Variants in TAFA4 observed in about 807,000 individuals in gnomAD.
TAFA4 encodes TAFA chemokine like family member 4.
In TAFA4, 20 loss-of-function variants were observed where a neutral mutation model predicts 21.1. That is an observed-to-expected ratio of 0.95 (90% CI 0.67 to 1.38). The LOEUF (loss-of-function observed/expected upper bound fraction) is 1.38. TAFA4 is among the 40% of genes most tolerant of loss of function. TAFA4 has a pLI of 0.00. For missense variants in TAFA4, 211 were observed against 180.9 expected, an observed-to-expected ratio of 1.17 and a Z score of -0.95; for synonymous variants, 71 against 67.4, an observed-to-expected ratio of 1.05 and a Z score of -0.26.
chr3:68,753,863 A>G (rs1163125693), intron 3 of TAFA4, among the ~76,000 whole-genome samples: 1 of 152,220 alleles, frequency 6.6e-6, no homozygotes, highest in East Asian at 1.9e-4. Context: ...GAGCCTCCCC[A>G]TAAAGGAATG....
chr3:68,846,426 TC>T (rs1379237165), intron 3 of TAFA4, among the ~76,000 whole-genome samples: 2 of 152,088 alleles, frequency 1.3e-5, no homozygotes, highest in African/African-American at 4.8e-5. Context: ...TAACCTTTTT[TC>T]AAGGTTCTTA....
At chr3:68,910,136 C>T (rs1319753328) in intron 1 of TAFA4, among the ~76,000 whole-genome samples, 1 of 152,208 alleles carries the variant, frequency 6.6e-6, no homozygotes, top group Non-Finnish European at 1.5e-5. Flanking sequence ...AGGCAGCTAG[C>T]AAGGCAGAGT....
chr3:68,813,220 C>T (rs1179632287), intron 3 of TAFA4, among the ~76,000 whole-genome samples: 1 of 151,870 alleles, frequency 6.6e-6, no homozygotes, highest in Non-Finnish European at 1.5e-5. Flanking sequence ...AAAAGAGAAG[C>T]AGGAAAGATC....
At chr3:68,874,949 T>C (rs1362024049) in intron 3 of TAFA4, among the ~76,000 whole-genome samples, 19 of 152,166 alleles carry the variant, frequency 1.2e-4, no homozygotes, top group Admixed American at 1.2e-3. Context: ...TCCCTTCTTA[T>C]TAAAAGCTGA....
intron 3 of TAFA4, among the ~76,000 whole-genome samples, chr3:68,756,717 A>G (rs1238955907): frequency 6.6e-5 from 10 of 152,224 alleles, no homozygotes; most frequent in Admixed American, 2.0e-4. Context: ...CAAGAGAGAA[A>G]GTTTTCAATC....
At chr3:68,769,034 A>G (rs910314025) in intron 3 of TAFA4, among the ~76,000 whole-genome samples, 7 of 151,954 alleles carry the variant, frequency 4.6e-5, no homozygotes, top group Non-Finnish European at 8.8e-5. Flanking sequence ...GGGGTCCCCA[A>G]CCTCCTCCGA....
At chr3:68,734,341 T>C (rs934250429) in intron 5 of TAFA4, among the ~76,000 whole-genome samples, 1 of 151,752 alleles carries the variant, frequency 6.6e-6, no homozygotes, top group Admixed American at 6.6e-5. Flanking sequence ...GAGGAAGAGG[T>C]TGGATAAACA....
At chr3:68,823,614 C>A (rs1193400306) in intron 3 of TAFA4, among the ~76,000 whole-genome samples, 1 of 152,090 alleles carries the variant, frequency 6.6e-6, no homozygotes, top group Non-Finnish European at 1.5e-5. Flanking sequence ...ACCCCACCCT[C>A]CAAAAGGCCC....
intron 3 of TAFA4, among the ~76,000 whole-genome samples, chr3:68,830,641 G>A (rs1704360403): frequency 6.6e-6 from 1 of 152,190 alleles, no homozygotes; most frequent in Non-Finnish European, 1.5e-5. Flanking sequence ...GTGAGATGTA[G>A]TGCTGAGAAG....
chr3:68,844,969 T>C (rs1042684840), intron 3 of TAFA4, among the ~76,000 whole-genome samples: 3 of 152,318 alleles, frequency 2.0e-5, no homozygotes, highest in Middle Eastern at 3.4e-3. Flanking sequence ...AAGTGCAATG[T>C]GGTGCTGAGA....
chr3:68,785,368 G>A (rs943895690), intron 3 of TAFA4, among the ~76,000 whole-genome samples: 3 of 152,226 alleles, frequency 2.0e-5, no homozygotes, highest in Non-Finnish European at 2.9e-5. Context: ...AGGGGGCTGC[G>A]CTCTCGTCGG....
At chr3:68,921,500 A>T (rs2090060985) in intron 1 of TAFA4, among the ~76,000 whole-genome samples, 1 of 152,212 alleles carries the variant, frequency 6.6e-6, no homozygotes, top group South Asian at 2.1e-4. Context: ...AAGCAAATGC[A>T]GAAGATAATT....
intron 3 of TAFA4, among the ~76,000 whole-genome samples, chr3:68,805,321 T>C (rs905837680): frequency 2.0e-5 from 3 of 152,162 alleles, no homozygotes; most frequent in African/African-American, 7.2e-5. Flanking sequence ...CTGGAGAGGA[T>C]GTGGAGAAAT....
intron 3 of TAFA4, 93 bp from the exon 4 acceptor site, chr3:68,753,111 A>G (rs1702589708): frequency 2.6e-6 from 3 of 1,171,948 alleles, no homozygotes; most frequent in Non-Finnish European, 2.5e-6. Flanking sequence ...ACATTTTCCA[A>G]CTTCCTGTGC....
chr3:68,783,942 G>GA lies in TAFA4; in HGVS notation c.131-30925dup, dbSNP rs565133866. Among the ~76,000 whole-genome samples, 638 of 151,456 alleles carry GA rather than the reference G, an allele frequency of 4.2e-3. 3 individuals carry two copies. The highest frequency in any genetic ancestry group is 5.4e-3 in the Non-Finnish European group (368 of 67,774). The stretch of plus-strand genomic sequence containing the variant: ...TTGCAATAAACATTTGTCTTAAATG[G>GA]AAAAAAAAGGTCAAAACACAAATGA... On this transcript the variant is annotated intron_variant, in intron 3 of 5. Coordinates refer to ENST00000295569, the MANE Select transcript of TAFA4 (RefSeq NM_182522.5).
intron 1 of TAFA4, among the ~76,000 whole-genome samples, chr3:68,925,867 T>A (rs2090103395): frequency 6.6e-6 from 1 of 152,122 alleles, no homozygotes; most frequent in African/African-American, 2.4e-5. Flanking sequence ...TCAAAAGCCC[T>A]CTAATGGGCC....
At chr3:68,872,763 T>C (rs1328184033) in intron 3 of TAFA4, among the ~76,000 whole-genome samples, 3 of 152,162 alleles carry the variant, frequency 2.0e-5, no homozygotes, top group Non-Finnish European at 4.4e-5. Context: ...TCTCATTTCA[T>C]GTCACAAAAA....
At chr3:68,746,127 T>A (rs1364267160) in intron 4 of TAFA4, among the ~76,000 whole-genome samples, 1 of 152,064 alleles carries the variant, frequency 6.6e-6, no homozygotes, top group Non-Finnish European at 1.5e-5. Flanking sequence ...ACTCTTGGAG[T>A]TACACCAGTG....
At chr3:68,905,913 T>C (rs1272591391) in intron 1 of TAFA4, among the ~76,000 whole-genome samples, 7 of 152,238 alleles carry the variant, frequency 4.6e-5, no homozygotes, top group Non-Finnish European at 5.9e-5. Context: ...TGTTTCTTGC[T>C]AAACTGCCAT....
Sources: gnomAD v4.1 joint callset for allele counts (sites outside exome capture counted in the v4.1 genomes callset) on GRCh38, gnomAD v4.1.1 for gene constraint, MANE v1.5 for transcripts, NCBI Gene and HGNC (gene_info 2026-07-23, HGNC 2026-07-21) for gene names.